KCNH8: variants seen among roughly 807,000 people sequenced by gnomAD.
The protein encoded by KCNH8 is potassium voltage-gated channel subfamily H member 8.
KCNH8 carries 70 observed loss-of-function variants against 103.6 expected under a neutral mutation model. The observed-to-expected ratio is 0.68, with a 90% CI of 0.56 to 0.82. KCNH8 has a LOEUF of 0.82. KCNH8 is among the 40% of genes least tolerant of loss of function. The pLI is 0.00. For synonymous variants in KCNH8, 498 were observed against 489.4 expected (o/e 1.02, Z -0.23); for missense variants, 1,217 against 1,329.9 (o/e 0.92, Z 1.32).
At chr3:19,511,632 G>A (rs2068784414) in intron 12 of KCNH8, among the ~76,000 whole-genome samples, 1 of 151,966 alleles carries the variant, frequency 6.6e-6, no homozygotes, top group African/African-American at 2.4e-5. Context: ...AAAACACAGA[G>A]TTTTAAACGC....
rs950209790 is a variant in KCNH8 at position 19,194,949 on chromosome 3, C to T, written c.76+46154C>T. Among the ~76,000 whole-genome samples the T allele has an allele frequency of 2.0e-5, 3 of 151,754 alleles. No homozygotes were observed. The South Asian group carries it at 6.2e-4, about 31-fold the overall frequency. On this transcript the variant is annotated intron_variant, in intron 1 of 15. Transcript: ENST00000328405. ...TTGCCCAATTATCTAAAAGTTATAA[C>T]ATATAGTTAGATAAGGAGTAGAAGG...
intron 1 of KCNH8, among the ~76,000 whole-genome samples, chr3:19,184,588 A>G (rs1038691032): frequency 5.3e-5 from 8 of 152,026 alleles, no homozygotes; most frequent in African/African-American, 1.9e-4. Flanking sequence ...TCGTTTTAAA[A>G]TGGCGTTAAA....
At chr3:19,442,397 A>G (rs1264228129) in intron 8 of KCNH8, among the ~76,000 whole-genome samples, 1 of 152,242 alleles carries the variant, frequency 6.6e-6, no homozygotes, top group South Asian at 2.1e-4. Context: ...CAAAAAATCC[A>G]TAAGATAATT....
At chr3:19,292,928 G>A (rs954372630) in intron 3 of KCNH8, among the ~76,000 whole-genome samples, 4 of 152,068 alleles carry the variant, frequency 2.6e-5, no homozygotes, top group Non-Finnish European at 4.4e-5. Flanking sequence ...ACTTTGTCAC[G>A]TGGCCATGGC....
chr3:19,480,310 G>A (rs1027075139), intron 11 of KCNH8, among the ~76,000 whole-genome samples: 15 of 152,110 alleles, frequency 9.9e-5, no homozygotes, highest in Non-Finnish European at 1.6e-4. Context: ...CAACAGGACT[G>A]AAAAACCACT....
intron 7 of KCNH8, among the ~76,000 whole-genome samples, chr3:19,437,751 G>T (rs1384458786): frequency 1.3e-5 from 2 of 152,160 alleles, no homozygotes; most frequent in Admixed American, 1.3e-4. Flanking sequence ...TATGGCTGTT[G>T]TAACTTATCA....
intron 8 of KCNH8, among the ~76,000 whole-genome samples, chr3:19,449,882 A>G (rs536679622): frequency 6.6e-6 from 1 of 152,122 alleles, no homozygotes; most frequent in Non-Finnish European, 1.5e-5. Flanking sequence ...TTTTAAAGAT[A>G]TTTTTACTCT....
chr3:19,254,912 T>C (rs2064327742), intron 2 of KCNH8, among the ~76,000 whole-genome samples: 1 of 152,174 alleles, frequency 6.6e-6, no homozygotes, highest in Non-Finnish European at 1.5e-5. Flanking sequence ...GTGAAATTGT[T>C]CTCTAATTTA....
chr3:19,430,587 T>A (rs949873550), intron 7 of KCNH8, among the ~76,000 whole-genome samples: 2 of 152,190 alleles, frequency 1.3e-5, no homozygotes, highest in Non-Finnish European at 2.9e-5. Context: ...TATGGCCATT[T>A]TAATAATATT....
chr3:19,305,732 A>G (rs2065121794), intron 3 of KCNH8, among the ~76,000 whole-genome samples: 1 of 152,138 alleles, frequency 6.6e-6, no homozygotes. Context: ...CAAAGAAAAC[A>G]AAAACTTGTA....
chr3:19,465,313 T>A (rs1466647177), intron 11 of KCNH8, among the ~76,000 whole-genome samples: 4 of 152,206 alleles, frequency 2.6e-5, no homozygotes, highest in African/African-American at 4.8e-5. Flanking sequence ...CTGCCTGTAC[T>A]CTATAAATGG....
rs770663529 is a variant in KCNH8, at chr3:19,281,256, A to T, written c.369A>T (p.Val123=). Residue 123 remains valine, a synonymous_variant, in exon 3 of 16, where the codon GTA becomes GTT. Coordinates refer to ENST00000328405, the MANE Select transcript of KCNH8 (RefSeq NM_144633.3). ...IVPIKNEKGD[V]VLFLASFKDI... ...CCATAAAGAATGAAAAAGGAGATGT[A>T]GTACTTTTTCTGGCCTCGTTCAAAG... 2 of 1,610,616 alleles carry T rather than the reference A, an allele frequency of 1.2e-6. No homozygotes were observed. Among genetic ancestry groups the T allele is most frequent in the Admixed American group, 1.7e-5 (1 of 59,916 alleles).
intron 7 of KCNH8, among the ~76,000 whole-genome samples, chr3:19,415,493 TG>T (rs1404955339): frequency 6.6e-6 from 1 of 151,762 alleles, no homozygotes; most frequent in African/African-American, 2.4e-5. Flanking sequence ...AATCAGCTGT[TG>T]ATTTATTCAT....
At chr3:19,284,033 A>G (rs565200011) in intron 3 of KCNH8, among the ~76,000 whole-genome samples, 1 of 152,166 alleles carries the variant, frequency 6.6e-6, no homozygotes, top group African/African-American at 2.4e-5. Context: ...AATTGATGGC[A>G]TGTCTTGCAG....
chr3:19,408,935 G>T (rs2066734621), intron 7 of KCNH8, among the ~76,000 whole-genome samples: 1 of 152,078 alleles, frequency 6.6e-6, no homozygotes, highest in South Asian at 2.1e-4. Context: ...GAATAACCTG[G>T]AAAATATATT....
At chr3:19,437,335 A>G (rs931202697) in intron 7 of KCNH8, among the ~76,000 whole-genome samples, 1 of 152,194 alleles carries the variant, frequency 6.6e-6, no homozygotes, top group African/African-American at 2.4e-5. Context: ...TAAATTCTAG[A>G]TAATATTATT....
At chr3:19,530,183 G>A in intron 15 of KCNH8, among the ~76,000 whole-genome samples, 1 of 152,116 alleles carries the variant, frequency 6.6e-6, no homozygotes, top group East Asian at 1.9e-4. Flanking sequence ...AAGACAGGTT[G>A]GTTAATGGGC....
intron 1 of KCNH8, among the ~76,000 whole-genome samples, chr3:19,160,276 T>C (rs974827939): frequency 9.2e-5 from 14 of 152,200 alleles, no homozygotes; most frequent in Middle Eastern, 3.2e-3. Context: ...TTGTGAAGCA[T>C]GACTTTTCAT....
intron 3 of KCNH8, among the ~76,000 whole-genome samples, chr3:19,298,966 G>A (rs1238549929): frequency 6.6e-6 from 1 of 151,268 alleles, no homozygotes; most frequent in East Asian, 1.9e-4. Flanking sequence ...GATTTGAGGG[G>A]TAAAAAAGTT....
Sources: gnomAD v4.1 joint callset for allele counts (sites outside exome capture counted in the v4.1 genomes callset) on GRCh38, gnomAD v4.1.1 for gene constraint, MANE v1.5 for transcripts, NCBI Gene and HGNC (gene_info 2026-07-23, HGNC 2026-07-21) for gene names.